The following MICAL3 variants were observed in gnomAD, a reference collection of about 807,000 sequenced individuals.
MICAL3 encodes microtubule associated monooxygenase, calponin and LIM domain containing 3.
MICAL3 carries 62 observed loss-of-function variants against 207.4 expected under a neutral mutation model. That is an observed-to-expected ratio of 0.30 (90% CI 0.24 to 0.37). The LOEUF (loss-of-function observed/expected upper bound fraction) is 0.37. Among genes scored for constraint, MICAL3 ranks in the 10% least tolerant of loss-of-function variants. The pLI is 1.00. For missense variants in MICAL3, 2,368 were observed against 2,635.6 expected, an observed-to-expected ratio of 0.90 and a Z score of 2.22; for synonymous variants, 1,077 against 1,069.3, an observed-to-expected ratio of 1.01 and a Z score of -0.14.
Position 17,893,902 on chromosome 22 carries a change from C to T in MICAL3, c.1452G>A (p.Val484=). 6.4e-7 allele frequency: 1 copy of T among 1,550,984 alleles called. No individual in the cohort carries two copies. The highest frequency in any genetic ancestry group is 8.7e-7 in the Non-Finnish European group (1 of 1,145,038). The change falls in exon 11 of 32, where the codon GTG becomes GTA. Residue 484 remains valine (V), a splice_region_variant and synonymous_variant. Coordinates refer to ENST00000441493, the MANE Select transcript of MICAL3 (RefSeq NM_015241.3). The part of the protein sequence containing the change: ...INVNFLRPSQ[V]RHLYDTGETK... ...TTTCGCCAGTATCATATAAATGGCG[C>T]ACCTGGCAGAAATTTACAAAGTCAA...
chr22:18,023,595 T>A (rs576665224), intron 1 of MICAL3, among the ~76,000 whole-genome samples: 6 of 152,200 alleles, frequency 3.9e-5, no homozygotes, highest in Admixed American at 6.5e-5. Flanking sequence ...CTAAGACACA[T>A]GCAGCCTCCA....
At chr22:17,934,993 T>C (rs1320157816) in intron 1 of MICAL3, among the ~76,000 whole-genome samples, 1 of 152,204 alleles carries the variant, frequency 6.6e-6, no homozygotes, top group Non-Finnish European at 1.5e-5. Context: ...TCCATGCTCA[T>C]GGATAGGAAG....
chr22:17,889,253 C>T (rs1556308509), intron 12 of MICAL3, 23 bp from the exon 13 acceptor site: 3 of 1,576,688 alleles, frequency 1.9e-6, no homozygotes, highest in East Asian at 2.2e-5. Context: ...ACAAGGAAAA[C>T]ATATCAAGAT....
rs577555135 is a variant in MICAL3 at position 18,003,145 on chromosome 22, G to A, written c.-75+21136C>T. Reference sequence around the variant, plus strand: ...ACTGCACTCCAGCCTGGGCAACAGAGCAAGACTCCATCTCAAAAAAAAAAA... The same window carrying A: ...ACTGCACTCCAGCCTGGGCAACAGAACAAGACTCCATCTCAAAAAAAAAAA... On this transcript the variant is annotated intron_variant, in intron 1 of 31. Transcript: ENST00000441493. Among the ~76,000 whole-genome samples, 142 of 145,270 alleles carry A rather than the reference G, an allele frequency of 9.8e-4. 1 individual carries two copies. The highest frequency in any genetic ancestry group is 7.2e-3 in the Middle Eastern group (2 of 276).
At chr22:17,901,279 G>A (rs1024451393) in intron 5 of MICAL3, among the ~76,000 whole-genome samples, 1 of 152,164 alleles carries the variant, frequency 6.6e-6, no homozygotes, top group Non-Finnish European at 1.5e-5. Flanking sequence ...AGGGATGCGT[G>A]GGGGGAGCAC....
chr22:17,892,969 G>A (rs1930505900), intron 11 of MICAL3, among the ~76,000 whole-genome samples: 1 of 152,142 alleles, frequency 6.6e-6, no homozygotes, highest in Non-Finnish European at 1.5e-5. Context: ...AACCAACAAT[G>A]GCAATGACCA....
In MICAL3 at chr22:17,858,840, G is replaced by A. The variant is rs1056791408; in HGVS notation, c.2605+6059C>T. ...TCAGGCATCGCTGTGAACAGCAGTG[G>A]TCCCCTCCCCTTTATTACTGGGGGA... On this transcript the variant is annotated intron_variant, in intron 19 of 31. Transcript: ENST00000441493. Among the ~76,000 whole-genome samples, 9 of 152,324 alleles carry A rather than the reference G, an allele frequency of 5.9e-5. No homozygotes were observed. In the East Asian group the frequency reaches 1.7e-3, roughly 29 times the overall value.
chr22:17,867,820 G>A (rs1358698595), intron 17 of MICAL3, among the ~76,000 whole-genome samples: 1 of 152,220 alleles, frequency 6.6e-6, no homozygotes, highest in South Asian at 2.1e-4. Flanking sequence ...GTAACCAAGA[G>A]CCTTGCTTAT....
At chr22:17,931,205 T>G (rs937044927) in intron 1 of MICAL3, among the ~76,000 whole-genome samples, 3 of 152,212 alleles carry the variant, frequency 2.0e-5, no homozygotes, top group African/African-American at 7.2e-5. Context: ...TAAACCCTGC[T>G]GGGTACACAC....
At chr22:17,865,801 C>G (rs766662736) in intron 18 of MICAL3, 123 bp downstream of exon 18, 135 of 755,786 alleles carry the variant, frequency 1.8e-4, no homozygotes, top group Middle Eastern at 6.8e-4. Context: ...GCATTTCGGG[C>G]CCTCCCCGTT....
intron 1 of MICAL3, among the ~76,000 whole-genome samples, chr22:17,997,050 C>CTTTTT (rs71716810): frequency 1.1e-3 from 85 of 75,546 alleles, no homozygotes; most frequent in Non-Finnish European, 1.2e-3. Flanking sequence ...CCCATCTAGT[C>CTTTTT]TTTTTTTTTT....
chr22:17,968,635 G>C (rs1935260339), intron 1 of MICAL3, among the ~76,000 whole-genome samples: 1 of 152,174 alleles, frequency 6.6e-6, no homozygotes, highest in South Asian at 2.1e-4. Context: ...GATACTCAAA[G>C]AGTGATATAA....
intron 1 of MICAL3, among the ~76,000 whole-genome samples, chr22:18,012,732 G>C (rs1377067222): frequency 6.6e-6 from 1 of 152,210 alleles, no homozygotes. Flanking sequence ...ATTTCTAGAT[G>C]TACTGTTACA....
intron 1 of MICAL3, among the ~76,000 whole-genome samples, chr22:17,996,781 T>G (rs1222089491): frequency 6.6e-6 from 1 of 152,014 alleles, no homozygotes; most frequent in East Asian, 1.9e-4. Context: ...ACGCCCACAA[T>G]GTACTGCATT....
rs1027322153 is a variant in MICAL3, at chr22:18,024,426, T to C, written c.-220A>G. 2.3e-4 allele frequency: 35 copies of C among 152,158 alleles called. No individual in the cohort carries two copies. The highest frequency in any genetic ancestry group is 8.2e-4 in the African/African-American group (34 of 41,458). 9.4% of individuals were successfully genotyped at this position (152,158 alleles called of 1,614,324 possible). A position where few individuals can be genotyped will look rare whatever the true frequency, so the allele number is the denominator to read the frequency against. ...ATCCCGCCCAGTTAGCCTCGGGGGC[T>C]GCACAGCCCAGCCCCCTCGCCCAGG... On this transcript the variant is annotated 5_prime_UTR_variant, in exon 1 of 32. Coordinates refer to ENST00000441493, the MANE Select transcript of MICAL3 (RefSeq NM_015241.3).
intron 29 of MICAL3, among the ~76,000 whole-genome samples, chr22:17,802,465 G>A (rs1400091679): frequency 1.3e-5 from 2 of 152,120 alleles, no homozygotes; most frequent in South Asian, 2.1e-4. Context: ...TGTAAGCACC[G>A]GCCCTTCTGC....
At chr22:17,864,072 A>C (rs912342683) in intron 19 of MICAL3, 2 of 987,052 alleles carry the variant, frequency 2.0e-6, no homozygotes, top group Non-Finnish European at 2.4e-6. Flanking sequence ...CTCTGGACGC[A>C]TCTCACAGGC....
chr22:17,790,305 C>A lies in MICAL3; in HGVS notation c.*427G>T, dbSNP rs527961254. The A allele has an allele frequency of 6.0e-6, 1 of 166,892 alleles. No individual in the cohort carries two copies. The highest frequency in any genetic ancestry group is 1.3e-5 in the Non-Finnish European group (1 of 77,318). The allele number at this position is 166,892 out of a possible 1,614,324, so 10.3% of individuals were successfully genotyped here. A position where few individuals can be genotyped will look rare whatever the true frequency, so the allele number is the denominator to read the frequency against. On this transcript the variant is annotated 3_prime_UTR_variant, in exon 32 of 32. Transcript: ENST00000441493. ...CCCTGCTTTCGTGGGGTATTGTTTA[C>A]GTTTCTTTGGTGGTGCTCCAGGGAG...
At chr22:17,927,978 G>C (rs1291760956) in intron 1 of MICAL3, among the ~76,000 whole-genome samples, 1 of 152,090 alleles carries the variant, frequency 6.6e-6, no homozygotes, top group Non-Finnish European at 1.5e-5. Flanking sequence ...AGATCTTTGG[G>C]GAGTGAATTA....
Sources: allele counts gnomAD v4.1 joint callset (sites outside exome capture counted in the v4.1 genomes callset), GRCh38; gene constraint gnomAD v4.1.1; transcripts MANE v1.5; gene names NCBI Gene and HGNC (gene_info 2026-07-23, HGNC 2026-07-21).